The following MXRA7 variants were observed in gnomAD, a reference collection of about 807,000 sequenced individuals.
The protein encoded by MXRA7 is matrix remodeling associated 7, also known as matrix-remodeling-associated protein 7.
Under a neutral mutation model 17.4 loss-of-function variants are expected in MXRA7, and 18 were observed. That is an observed-to-expected ratio of 1.03 (90% CI 0.71 to 1.53). MXRA7 has a LOEUF of 1.53. Among genes scored for constraint, MXRA7 ranks in the 40% most tolerant of loss-of-function variants. The pLI is 0.00. For missense variants in MXRA7, 141 were observed against 209.3 expected, an observed-to-expected ratio of 0.67 and a Z score of 2.01; for synonymous variants, 70 against 101.7, an observed-to-expected ratio of 0.69 and a Z score of 1.87.
Position 76,710,673 on chromosome 17 carries a change from G to T in MXRA7, c.274C>A (p.Pro92Thr). 7.6e-7 allele frequency: 1 copy of T among 1,312,638 alleles called. No individual in the cohort carries two copies. The highest frequency in any genetic ancestry group is 1.9e-5 in the South Asian group (1 of 53,436). The allele number at this position is 1,312,638 out of a possible 1,614,324, so 81.3% of individuals were successfully genotyped here. A position where few individuals can be genotyped will look rare whatever the true frequency, so the allele number is the denominator to read the frequency against. ...ELGEPAGPGE[P>T]EGPGDPAAAP... ...GCCGCGGGATCCCCTGGCCCTTCGGGCTCCCCCGGTCCCGCAGGCTCCCCG... is the reference window on the plus strand; with the variant it reads ...GCCGCGGGATCCCCTGGCCCTTCGGTCTCCCCCGGTCCCGCAGGCTCCCCG... The change falls in exon 1 of 4, where the codon CCC (proline) becomes ACC (threonine). Residue 92 changes from proline (P) to threonine (T), a missense_variant. Pro to Thr is a conservative substitution (Grantham distance 38). Around this residue, in one of 3 missense-constraint regions of MXRA7, gnomAD observed 72 missense variants for 111.9 expected, o/e 0.64. Transcript: ENST00000449428.
intron 1 of MXRA7, 74 bp downstream of exon 1, chr17:76,710,531 G>A: frequency 8.5e-7 from 1 of 1,176,374 alleles, no homozygotes; most frequent in Non-Finnish European, 1.1e-6. Context: ...CCCGCTCCCT[G>A]GCTCGGCGGG....
At chr17:76,677,853 C>T, downstream of MXRA7, 1 of 607,186 alleles carries the variant, frequency 1.6e-6, no homozygotes, top group Non-Finnish European at 2.9e-6. Context: ...AAATAAAACC[C>T]ACTTAGAACA....
At chr17:76,704,469 TG>T (rs2076632181) in intron 1 of MXRA7, among the ~76,000 whole-genome samples, 1 of 146,538 alleles carries the variant, frequency 6.8e-6, no homozygotes, top group Non-Finnish European at 1.5e-5. Context: ...CCTCCCAAAG[TG>T]CTAGGTTTAC....
At chr17:76,702,857 A>T (rs2076605398) in intron 1 of MXRA7, among the ~76,000 whole-genome samples, 1 of 73,282 alleles carries the variant, frequency 1.4e-5, no homozygotes, top group Non-Finnish European at 3.7e-5. Flanking sequence ...CTCTTAAAAT[A>T]AATATATATA....
At chr17:76,676,932 A>C (rs1335806185), downstream of MXRA7, 1 of 151,362 alleles carries the variant, frequency 6.6e-6, no homozygotes, top group African/African-American at 2.4e-5. Context: ...CAAAAAAACC[A>C]TGCTCCCCTA....
chr17:76,674,640 C>T (rs1045195792), downstream of MXRA7: 10 of 152,386 alleles, frequency 6.6e-5, no homozygotes, highest in African/African-American at 2.4e-4. Flanking sequence ...TCCCTTTTAT[C>T]ACAGATCCCC....
intron 1 of MXRA7, among the ~76,000 whole-genome samples, chr17:76,698,216 A>G (rs546046309): frequency 2.2e-4 from 33 of 152,296 alleles, no homozygotes; most frequent in Admixed American, 2.2e-3. Flanking sequence ...AAGGATGGAG[A>G]TAACAGGAAG....
chr17:76,690,268 C>T (rs2076465594), intron 1 of MXRA7: 2 of 152,024 alleles, frequency 1.3e-5, no homozygotes, highest in Non-Finnish European at 2.9e-5. Context: ...TCCTTTCCGT[C>T]TTATAGAGTT....
At chr17:76,686,623 T>A (rs1269819064) in intron 2 of MXRA7, among the ~76,000 whole-genome samples, 3 of 152,246 alleles carry the variant, frequency 2.0e-5, no homozygotes, top group African/African-American at 7.2e-5. Flanking sequence ...CTCAGTCACA[T>A]GCAGTGCACC....
At position 76,684,697 on chromosome 17, in the gene MXRA7, C is replaced by G. The variant is rs1033346068; in HGVS notation, c.500+375G>C. ...CCCGAAGGAGAAATGGAGAAATCAG[C>G]TCTGTTGGGGACTGTGTGTGTGAGT... On this transcript the variant is annotated intron_variant, in intron 3 of 3. Transcript: ENST00000449428. 10 of 453,186 alleles carry G rather than the reference C, an allele frequency of 2.2e-5. No homozygotes were observed. In the Admixed American group the frequency reaches 2.6e-4, roughly 12 times the overall value. The allele number at this position is 453,186 out of a possible 1,614,324, so 28.1% of individuals were successfully genotyped here. A position where few individuals can be genotyped will look rare whatever the true frequency, so the allele number is the denominator to read the frequency against.
At chr17:76,687,051 A>G (rs1427290437) in intron 2 of MXRA7, among the ~76,000 whole-genome samples, 1 of 152,210 alleles carries the variant, frequency 6.6e-6, no homozygotes. Flanking sequence ...CGTGTCCCCA[A>G]GTCACTAACA....
exon 4 of MXRA7, chr17:76,673,282 C>T (rs2076215943): frequency 6.6e-6 from 1 of 152,220 alleles, no homozygotes; most frequent in South Asian, 2.1e-4. Flanking sequence ...CTTCTACTTT[C>T]TTTAAAGTAG....
At chr17:76,688,679 C>A in intron 1 of MXRA7, 2 of 1,238,540 alleles carry the variant, frequency 1.6e-6, no homozygotes, top group Non-Finnish European at 2.0e-6. Context: ...CCTCTTCAGC[C>A]AGTTCTCTCC....
chr17:76,684,544 C>A (rs2076359907), intron 3 of MXRA7: 1 of 314,954 alleles, frequency 3.2e-6, no homozygotes, highest in Non-Finnish European at 6.3e-6. Context: ...CAGGGGGTGT[C>A]CAAATGGGAA....
intron 1 of MXRA7, among the ~76,000 whole-genome samples, chr17:76,708,354 TC>T (rs1459842166): frequency 6.6e-6 from 1 of 152,172 alleles, no homozygotes; most frequent in Admixed American, 6.5e-5. Flanking sequence ...GGCAGTGACT[TC>T]CGAGCTAACA....
chr17:76,693,879 T>C (rs1176144125), intron 1 of MXRA7, among the ~76,000 whole-genome samples: 1 of 152,164 alleles, frequency 6.6e-6, no homozygotes, highest in Non-Finnish European at 1.5e-5. Context: ...ACAAAAAACT[T>C]CTGGTGTAGC....
intron 1 of MXRA7, among the ~76,000 whole-genome samples, chr17:76,701,358 G>C (rs1031256192): frequency 6.9e-6 from 1 of 145,236 alleles, no homozygotes; most frequent in Admixed American, 6.9e-5. Context: ...GCTGAGCGTC[G>C]GGGGGGTGGA....
At chr17:76,705,488 T>C (rs1012499350) in intron 1 of MXRA7, among the ~76,000 whole-genome samples, 1 of 152,224 alleles carries the variant, frequency 6.6e-6, no homozygotes. Flanking sequence ...TTCTAGTTTT[T>C]TCCCCAGTAA....
Position 76,684,455 on chromosome 17 carries a change from C to T in MXRA7, c.500+617G>A, listed in dbSNP as rs144606251. On this transcript the variant is annotated intron_variant, in intron 3 of 3. Coordinates refer to ENST00000449428, the MANE Select transcript of MXRA7 (RefSeq NM_198530.4). ...CTCTGCTGAGACCTCCCCAGCTGTC[C>T]CACTGTGCCCAGCGCACCCCTTCCC... Among the ~76,000 whole-genome samples the T allele has an allele frequency of 5.5e-3, 842 of 152,272 alleles. 5 individuals carry two copies. The highest frequency in any genetic ancestry group is 0.019 in the African/African-American group (809 of 41,538).
Sources: allele counts gnomAD v4.1 joint callset (sites outside exome capture counted in the v4.1 genomes callset), GRCh38; gene constraint gnomAD v4.1.1; regional missense constraint gnomAD v4.1.1; transcripts MANE v1.5; gene names NCBI Gene and HGNC (gene_info 2026-07-23, HGNC 2026-07-21).